The following HINFP variants were observed in gnomAD, a reference collection of about 807,000 sequenced individuals.
HINFP encodes MBD2 (methyl-CpG-binding protein)-interacting zinc finger protein.
In HINFP, 20 loss-of-function variants were observed where a neutral mutation model predicts 50.1. The ratio of observed to expected loss-of-function variants is 0.40; its 90% CI spans 0.28 to 0.58. The LOEUF (loss-of-function observed/expected upper bound fraction) is 0.58, where lower values mean the gene tolerates loss of function less well. HINFP is among the 20% of genes least tolerant of loss of function. HINFP has a pLI of 0.45. For missense variants in HINFP, 505 were observed against 664.1 expected, an observed-to-expected ratio of 0.76 and a Z score of 2.63; for synonymous variants, 247 against 243.7, an observed-to-expected ratio of 1.01 and a Z score of -0.13.
At chr11:119,129,360 A>C (rs526573) in intron 2 of HINFP, among the ~76,000 whole-genome samples, 1 of 151,316 alleles carries the variant, frequency 6.6e-6, no homozygotes, top group Non-Finnish European at 1.5e-5. Flanking sequence ...TTTTTTAGAG[A>C]CAGAGTCTTG....
rs750330039 is a variant in HINFP, at chr11:119,134,238, G to A, written c.1294G>A (p.Val432Met). The part of the protein sequence containing the change: ...SSLQGIILET[V>M]PGEPGRKEEE... Reference sequence around the variant, plus strand: ...CCTGCAGGGCATTATTCTAGAAACAGTGCCAGGGGAGCCAGGACGTAAGGA... The same window carrying A: ...CCTGCAGGGCATTATTCTAGAAACAATGCCAGGGGAGCCAGGACGTAAGGA... Residue 432 changes from valine (V) to methionine (M), a missense_variant, in exon 10 of 10, where the codon GTG becomes ATG. Val to Met is a conservative substitution (Grantham distance 21). Transcript: ENST00000350777. This position sits in a 1 kb window ranked among gnomAD's most constrained non-coding sequence, Gnocchi z 4.3. The A allele has an allele frequency of 5.0e-6, 8 of 1,614,184 alleles. No homozygotes were observed. In the South Asian group the frequency reaches 8.8e-5, roughly 18 times the overall value.
intron 1 of HINFP, chr11:119,125,932 A>G (rs574974191): frequency 1.3e-5 from 2 of 152,314 alleles, no homozygotes; most frequent in East Asian, 1.9e-4. Context: ...TGTAGGCTCT[A>G]TGGAGTAGAA....
chr11:119,132,295 C>G, intron 5 of HINFP: 1 of 627,240 alleles, frequency 1.6e-6, no homozygotes, highest in East Asian at 2.7e-5. Context: ...GATCACACAG[C>G]TAGTAAGTGG....
Position 119,133,283 on chromosome 11 carries a change from TA to T in HINFP, c.1139+69del. On this transcript the variant is annotated intron_variant, in intron 9 of 9. Coordinates refer to ENST00000350777, the MANE Select transcript of HINFP (RefSeq NM_198971.3). Reference sequence around the variant, plus strand: ...GTTTTTATACCTTTTCAACCAGTTTTAAAAACCTTAATTTGGGTCGGGCGCG... The same window carrying T: ...GTTTTTATACCTTTTCAACCAGTTTTAAAACCTTAATTTGGGTCGGGCGCG... 1.9e-6 allele frequency: 3 copies of T among 1,595,724 alleles called. No homozygotes were observed. The South Asian group carries it at 3.4e-5, about 18-fold the overall frequency.
At position 119,127,037 on chromosome 11, in the gene HINFP, G is replaced by A. The variant is rs376575990; in HGVS notation, c.93G>A (p.Lys31=). ...CCTTTGTGTGCTCAACCATGGAAAA[G>A]TTCTTTGAGCATGTCACTCAGCACC... ...SCSFVCSTME[K]FFEHVTQHLQ... is the part of the protein sequence containing the mutation. The change falls in exon 2 of 10, where the codon AAG becomes AAA. Residue 31 remains lysine (K), a synonymous_variant. Coordinates refer to ENST00000350777, the MANE Select transcript of HINFP (RefSeq NM_198971.3). 5.0e-6 allele frequency: 8 copies of A among 1,614,068 alleles called. No homozygotes were observed. Among genetic ancestry groups the A allele is most frequent in the Non-Finnish European group, 5.9e-6 (7 of 1,180,040 alleles).
chr11:119,132,916 C>T lies in HINFP; in HGVS notation c.928C>T (p.Pro310Ser). 1 of 1,614,244 alleles carries T rather than the reference C, an allele frequency of 6.2e-7. No individual in the cohort carries two copies. Among genetic ancestry groups the T allele is most frequent in the Non-Finnish European group, 8.5e-7 (1 of 1,180,042 alleles). ...QKHLDTHSEE[P>S]AYRCDFENCT... Reference sequence around the variant, plus strand: ...GCACCTGGATACCCACAGCGAGGAGCCAGCCTACAGGTGTGATTTTGAGAA... The same window carrying T: ...GCACCTGGATACCCACAGCGAGGAGTCAGCCTACAGGTGTGATTTTGAGAA... The change falls in exon 8 of 10, where the codon CCA becomes TCA. Residue 310 changes from proline to serine, a missense_variant. Transcript: ENST00000350777.
intron 2 of HINFP, 190 bp downstream of exon 2, chr11:119,127,315 C>G (rs751455147): frequency 2.1e-6 from 1 of 468,384 alleles, no homozygotes; most frequent in Non-Finnish European, 3.7e-6. Context: ...AGGAATAAAT[C>G]TGCCATCCTG....
chr11:119,123,127 CCAA>C (rs1947171854), intron 1 of HINFP, among the ~76,000 whole-genome samples: 1 of 1,220 alleles, frequency 8.2e-4, no homozygotes, highest in East Asian at 0.014. Context: ...GACTCCATCT[CCAA>C]AAAAAAAAAA....
Position 119,129,266 on chromosome 11 carries a change from C to T in HINFP, c.182-1459C>T, listed in dbSNP as rs545493333. Among the ~76,000 whole-genome samples, 36 of 152,150 alleles carry T rather than the reference C, an allele frequency of 2.4e-4. 1 individual carries two copies. In the South Asian group the frequency reaches 7.1e-3, roughly 30 times the overall value. On this transcript the variant is annotated intron_variant, in intron 2 of 9. Coordinates refer to ENST00000350777, the MANE Select transcript of HINFP (RefSeq NM_198971.3). ...ATATTGGCCAGGCTGGTCCCAAACT[C>T]CTGACCTTGTGATCTGCCTGCCTCG...
Position 119,131,588 on chromosome 11 carries a change from G to C in HINFP, c.465G>C (p.Leu155=), listed in dbSNP as rs756693280. 6 of 1,614,072 alleles carry C rather than the reference G, an allele frequency of 3.7e-6. No homozygotes were observed. In the Middle Eastern group the frequency reaches 4.9e-4, roughly 133 times the overall value. ...WFYRHVEAHS[L]CCEYEAVGKD... is the part of the protein sequence containing the mutation. The stretch of plus-strand genomic sequence containing the variant: ...ATCGGCATGTGGAAGCACACAGTCT[G>C]TGCTGTGAATACGAAGCAGTCGGCA... Residue 155 remains leucine (L), a synonymous_variant, in exon 4 of 10, where the codon CTG becomes CTC. Transcript: ENST00000350777. This position sits in a 1 kb window ranked among gnomAD's most constrained non-coding sequence, Gnocchi z 4.2.
chr11:119,125,816 G>A (rs975556505), intron 1 of HINFP: 1 of 152,190 alleles, frequency 6.6e-6, no homozygotes, highest in Non-Finnish European at 1.5e-5. Flanking sequence ...GCAGAGTGGT[G>A]GAGTAAACCG....
rs776135079 is a variant in HINFP at position 119,132,002 on chromosome 11, G to A, written c.676+20G>A. On this transcript the variant is annotated intron_variant, in intron 5 of 9. Transcript: ENST00000350777. ...TGGATCGTAAGTAGTCAGAGGAAGT[G>A]GGGTGGATGCAGGCTGTCCTGCTTG... 5 of 1,613,428 alleles carry A rather than the reference G, an allele frequency of 3.1e-6. No individual in the cohort carries two copies. The highest frequency in any genetic ancestry group is 3.3e-5 in the Admixed American group (2 of 60,010).
chr11:119,133,569 A>G (rs1460587113), intron 9 of HINFP: 1 of 210,756 alleles, frequency 4.7e-6, no homozygotes, highest in African/African-American at 2.3e-5. Flanking sequence ...ACAGAGCGAG[A>G]CTCCATCTCA....
chr11:119,126,826 C>T, intron 1 of HINFP, 109 bp from the exon 2 acceptor site: 1 of 869,390 alleles, frequency 1.2e-6, no homozygotes, highest in Non-Finnish European at 1.8e-6. Flanking sequence ...TCTCATGGGT[C>T]ACTGGAACAA....
chr11:119,130,801 C>G lies in HINFP; in HGVS notation c.258C>G (p.Val86=). The G allele has an allele frequency of 3.1e-6, 5 of 1,614,228 alleles. No individual in the cohort carries two copies. The highest frequency in any genetic ancestry group is 4.2e-6 in the Non-Finnish European group (5 of 1,180,038). ...GTTCTGCTGACCTCATCCGCCATGTCTACTTCCACTGCTACCACACCAAGC... is the reference window on the plus strand; with the variant it reads ...GTTCTGCTGACCTCATCCGCCATGTGTACTTCCACTGCTACCACACCAAGC... The part of the protein sequence containing the change: ...LDSSADLIRH[V]YFHCYHTKLK... The change falls in exon 3 of 10, where the codon GTC becomes GTG. Residue 86 remains valine (V), a synonymous_variant. Coordinates refer to ENST00000350777, the MANE Select transcript of HINFP (RefSeq NM_198971.3).
chr11:119,131,666 T>G lies in HINFP; in HGVS notation c.523+20T>G. ...GGAAAGGTAGGGCTGCTTCTTAACT[T>G]GTGGCTTCTGGAGGAAACGCTGGGG... On this transcript the variant is annotated intron_variant, in intron 4 of 9. Coordinates refer to ENST00000350777, the MANE Select transcript of HINFP (RefSeq NM_198971.3). The surrounding 1 kb of genome is among the most constrained non-coding windows in gnomAD (Gnocchi z 4.2). 1 of 1,606,812 alleles carries G rather than the reference T, an allele frequency of 6.2e-7. No individual in the cohort carries two copies. Among genetic ancestry groups the G allele is most frequent in the Non-Finnish European group, 8.5e-7 (1 of 1,173,414 alleles).
At chr11:119,121,792 T>G (rs595359) in intron 1 of HINFP, 153 bp downstream of exon 1, 80,602 of 152,356 alleles carry the variant, frequency 0.53, 22,438 homozygotes, top group African/African-American at 0.63. Flanking sequence ...GTCTAGGGGC[T>G]TCGCTGCGGC....
intron 1 of HINFP, chr11:119,124,460 G>A (rs1424939022): frequency 6.6e-6 from 1 of 152,090 alleles, no homozygotes; most frequent in Non-Finnish European, 1.5e-5. Flanking sequence ...AGCCAAGGCC[G>A]GCTAGTGTCC....
chr11:119,131,567 GC>G lies in HINFP; in HGVS notation c.445del (p.His149MetfsTer51), dbSNP rs746252398. 6.2e-6 allele frequency: 10 copies of G among 1,614,144 alleles called. No homozygotes were observed. The highest frequency in any genetic ancestry group is 8.5e-6 in the Non-Finnish European group (10 of 1,180,006). On this transcript the variant is annotated frameshift_variant, in exon 4 of 10. Coordinates refer to ENST00000350777, the MANE Select transcript of HINFP (RefSeq NM_198971.3). LOFTEE classifies it high-confidence loss of function. This position sits in a 1 kb window ranked among gnomAD's most constrained non-coding sequence, Gnocchi z 4.2. ...SFDNPEWFYR[H>X]VEAHSLCCEY... is the part of the protein sequence containing the mutation. Reference sequence around the variant, plus strand: ...TCGACAATCCTGAGTGGTTTTATCGGCATGTGGAAGCACACAGTCTGTGCTG... The same window carrying G: ...TCGACAATCCTGAGTGGTTTTATCGGATGTGGAAGCACACAGTCTGTGCTG...
Sources: allele counts gnomAD v4.1 joint callset (sites outside exome capture counted in the v4.1 genomes callset), GRCh38; gene constraint gnomAD v4.1.1; non-coding constraint Gnocchi (gnomAD v3.1); transcripts MANE v1.5; gene names NCBI Gene and HGNC (gene_info 2026-07-23, HGNC 2026-07-21).